The following MMP16 variants were observed in gnomAD, a reference collection of about 807,000 sequenced individuals.
The protein encoded by MMP16 is matrix metallopeptidase 16, also known as matrix metalloproteinase-16.
MMP16 carries 12 observed loss-of-function variants against 67.8 expected under a neutral mutation model. The ratio of observed to expected loss-of-function variants is 0.18; its 90% CI spans 0.11 to 0.29. The LOEUF (loss-of-function observed/expected upper bound fraction) is 0.29. Among genes scored for constraint, MMP16 ranks in the 10% least tolerant of loss-of-function variants. The pLI, the probability that MMP16 is intolerant of heterozygous loss-of-function variation, is 1.00. For missense variants in MMP16, 475 were observed against 765.7 expected, an observed-to-expected ratio of 0.62 and a Z score of 4.48; for synonymous variants, 249 against 255.9, an observed-to-expected ratio of 0.97 and a Z score of 0.26.
intron 6 of MMP16, among the ~76,000 whole-genome samples, chr8:88,091,196 T>A (rs1198879447): frequency 6.6e-6 from 1 of 151,872 alleles, no homozygotes; most frequent in Admixed American, 6.6e-5. Context: ...ACAGATCATC[T>A]CCTGTTTTGC....
chr8:88,192,511 C>T (rs934042231), intron 2 of MMP16, among the ~76,000 whole-genome samples: 2 of 152,152 alleles, frequency 1.3e-5, no homozygotes, highest in African/African-American at 2.4e-5. Flanking sequence ...CTTCTGCTGC[C>T]ACCAAAATGT....
Position 88,116,620 on chromosome 8 carries a change from T to C in MMP16, c.970A>G (p.Lys324Glu), listed in dbSNP as rs1809439738. Residue 324 changes from lysine to glutamate, a missense_variant, in exon 6 of 10, where the codon AAA becomes GAA. Around this residue, in one of 5 missense-constraint regions of MMP16, gnomAD observed 195 missense variants for 300.9 expected, o/e 0.65. Coordinates refer to ENST00000286614, the MANE Select transcript of MMP16 (RefSeq NM_005941.5). ...PADPRKNDRP[K>E]PPRPPTGRPS... ...CTGCCGGTTGGAGGCCGAGGAGGTT[T>C]TGGCCTGTCATTTTTCCTTGGGTCA... The C allele has an allele frequency of 1.2e-6, 2 of 1,613,918 alleles. No individual in the cohort carries two copies. The highest frequency in any genetic ancestry group is 1.7e-6 in the Non-Finnish European group (2 of 1,179,908).
At chr8:88,323,344 C>A (rs1037511206) in intron 1 of MMP16, among the ~76,000 whole-genome samples, 1 of 152,022 alleles carries the variant, frequency 6.6e-6, no homozygotes, top group Non-Finnish European at 1.5e-5. Flanking sequence ...TAGGTACATG[C>A]AGGCAAACCT....
At chr8:88,167,542 A>T in intron 4 of MMP16, 127 bp downstream of exon 4, 1 of 840,854 alleles carries the variant, frequency 1.2e-6, no homozygotes, top group Non-Finnish European at 1.8e-6. Flanking sequence ...AAATATGCTT[A>T]CATATTGCTT....
chr8:88,278,617 A>G (rs1197243300), intron 1 of MMP16, among the ~76,000 whole-genome samples: 1 of 152,176 alleles, frequency 6.6e-6, no homozygotes, highest in African/African-American at 2.4e-5. Flanking sequence ...ACAGCAACAA[A>G]AACAACAAAC....
At chr8:88,109,940 C>T (rs529095243) in intron 6 of MMP16, among the ~76,000 whole-genome samples, 1 of 150,986 alleles carries the variant, frequency 6.6e-6, no homozygotes, top group East Asian at 2.0e-4. Flanking sequence ...AATTGTCTTG[C>T]CTATATTCTA....
intron 1 of MMP16, among the ~76,000 whole-genome samples, chr8:88,271,414 T>C (rs1915018): frequency 0.64 from 97,886 of 152,132 alleles, 33,326 homozygotes; most frequent in East Asian, 0.88. Flanking sequence ...GGAATCTATA[T>C]AGAATTATTT....
At chr8:88,262,228 G>A (rs1041760587) in intron 1 of MMP16, among the ~76,000 whole-genome samples, 1 of 152,150 alleles carries the variant, frequency 6.6e-6, no homozygotes, top group African/African-American at 2.4e-5. Flanking sequence ...GGAAAAGTGT[G>A]GGCACAGGAA....
intron 7 of MMP16, among the ~76,000 whole-genome samples, chr8:88,066,079 T>C (rs1306334691): frequency 6.6e-6 from 1 of 152,124 alleles, no homozygotes; most frequent in Non-Finnish European, 1.5e-5. Flanking sequence ...TATTAAGTCA[T>C]AGCAACAGTT....
At chr8:88,127,459 T>C (rs1807954417) in intron 4 of MMP16, among the ~76,000 whole-genome samples, 3 of 151,916 alleles carry the variant, frequency 2.0e-5, no homozygotes, top group South Asian at 4.1e-4. Flanking sequence ...AATGGAAGTA[T>C]GTGAGAGTGA....
intron 1 of MMP16, among the ~76,000 whole-genome samples, chr8:88,316,818 A>G (rs534407493): frequency 3.3e-5 from 5 of 152,328 alleles, no homozygotes; most frequent in Non-Finnish European, 1.5e-5. Flanking sequence ...AAGTAACTTT[A>G]AAACCTTCTG....
At chr8:88,242,909 A>G (rs1252487836) in intron 1 of MMP16, among the ~76,000 whole-genome samples, 1 of 152,142 alleles carries the variant, frequency 6.6e-6, no homozygotes, top group Non-Finnish European at 1.5e-5. Context: ...TTGTTAGCAT[A>G]TATTACCAAG....
chr8:88,211,412 G>A (rs559750185), intron 1 of MMP16, among the ~76,000 whole-genome samples: 22 of 152,238 alleles, frequency 1.4e-4, no homozygotes, highest in African/African-American at 5.1e-4. Context: ...GGATACAAAA[G>A]TAAAAAGTAA....
intron 1 of MMP16, among the ~76,000 whole-genome samples, chr8:88,234,717 C>T (rs1319011628): frequency 1.3e-5 from 2 of 152,202 alleles, no homozygotes; most frequent in African/African-American, 4.8e-5. Flanking sequence ...TCCATAAAGC[C>T]AACCTGCTGT....
rs1260538571 is a variant in MMP16, at chr8:88,074,698, A to G, written c.1129T>C (p.Tyr377His). The G allele has an allele frequency of 6.2e-7, 1 of 1,613,646 alleles. No individual in the cohort carries two copies. The highest frequency in any genetic ancestry group is 8.5e-7 in the Non-Finnish European group (1 of 1,179,712). ...CAGAAGTAAGTAATTTGCATTGGGTATCCATCCATCACCCTGTTGTTTCTC... is the reference window on the plus strand; with the variant it reads ...CAGAAGTAAGTAATTTGCATTGGGTGTCCATCCATCACCCTGTTGTTTCTC... ...RVRNNRVMDG[Y>H]PMQITYFWRG... Residue 377 changes from tyrosine (Y) to histidine (H), a missense_variant, in exon 7 of 10, where the codon TAC (tyrosine) becomes CAC (histidine). Around this residue, in one of 5 missense-constraint regions of MMP16, gnomAD observed 195 missense variants for 300.9 expected, o/e 0.65. Coordinates refer to ENST00000286614, the MANE Select transcript of MMP16 (RefSeq NM_005941.5).
At chr8:88,094,214 G>T (rs564014453) in intron 6 of MMP16, among the ~76,000 whole-genome samples, 15 of 151,604 alleles carry the variant, frequency 9.9e-5, no homozygotes, top group Non-Finnish European at 1.5e-4. Context: ...TTCTATGATG[G>T]TTTCTTCCAT....
chr8:88,186,602 C>CAAAAA lies in MMP16; in HGVS notation c.282-9_282-5dup, dbSNP rs4043665. On this transcript the variant is annotated splice_region_variant and splice_polypyrimidine_tract_variant and intron_variant, in intron 2 of 9. Coordinates refer to ENST00000286614, the MANE Select transcript of MMP16 (RefSeq NM_005941.5). ...GCATCGGGGCTTCTTCATCCAGCTG[C>CAAAAA]AAAAAAAAAAAAAAAAAAAAAAAAG... 88 of 1,168,252 alleles carry CAAAAA rather than the reference C, an allele frequency of 7.5e-5. No individual in the cohort carries two copies. Among genetic ancestry groups the CAAAAA allele is most frequent in the South Asian group, 3.4e-4 (14 of 41,348 alleles). The allele number at this position is 1,168,252 out of a possible 1,614,324, so 72.4% of individuals were successfully genotyped here.
intron 1 of MMP16, among the ~76,000 whole-genome samples, chr8:88,217,332 T>G (rs1563565108): frequency 6.6e-6 from 1 of 152,108 alleles, no homozygotes; most frequent in East Asian, 1.9e-4. Context: ...TATACATGTT[T>G]CTATCTGCCT....
intron 6 of MMP16, among the ~76,000 whole-genome samples, chr8:88,098,590 T>C (rs891786667): frequency 1.3e-5 from 2 of 151,968 alleles, no homozygotes; most frequent in African/African-American, 2.4e-5. Flanking sequence ...CAAATACTTA[T>C]TTCAAGAGTA....
Sources: gnomAD v4.1 joint callset for allele counts (sites outside exome capture counted in the v4.1 genomes callset) on GRCh38, gnomAD v4.1.1 for gene constraint, gnomAD v4.1.1 regional missense constraint, MANE v1.5 for transcripts, NCBI Gene and HGNC (gene_info 2026-07-23, HGNC 2026-07-21) for gene names.